SYT14: variants seen among roughly 807,000 people sequenced by gnomAD.
SYT14 encodes the protein synaptotagmin 14.
A neutral mutation model predicts 74.2 loss-of-function variants in SYT14; 32 were observed. That is an observed-to-expected ratio of 0.43 (90% confidence interval 0.33 to 0.58). The LOEUF is 0.58. Ranked by LOEUF, SYT14 falls within the 20% of genes least tolerant of loss-of-function variation. SYT14 has a pLI of 0.05. For missense variants in SYT14, 791 were observed against 981.8 expected (o/e 0.81, Z 2.60); for synonymous variants, 298 against 337.7 (o/e 0.88, Z 1.29).
intron 5 of SYT14, among the ~76,000 whole-genome samples, chr1:210,021,825 C>T (rs938364076): frequency 6.6e-6 from 1 of 152,112 alleles, no homozygotes; most frequent in Non-Finnish European, 1.5e-5. Context: ...TCAAGGATTT[C>T]AGTAATTTGA....
At chr1:210,071,085 A>G (rs1445203932) in intron 5 of SYT14, among the ~76,000 whole-genome samples, 1 of 151,600 alleles carries the variant, frequency 6.6e-6, no homozygotes, top group Non-Finnish European at 1.5e-5. Flanking sequence ...TACTATTTTT[A>G]TGGTTTCTAC....
intron 5 of SYT14, among the ~76,000 whole-genome samples, chr1:210,052,018 A>G (rs1572217510): frequency 6.6e-6 from 1 of 152,152 alleles, no homozygotes; most frequent in Non-Finnish European, 1.5e-5. Context: ...ATGTATAGTC[A>G]AATTTCTTGA....
At chr1:210,159,376 A>G in intron 8 of SYT14, 45 bp from the exon 8 acceptor site, 1 of 1,534,940 alleles carries the variant, frequency 6.5e-7, no homozygotes. Flanking sequence ...AACGATTGAC[A>G]TCTGGTCATT....
At chr1:209,948,634 A>C (rs1049832604) in intron 1 of SYT14, among the ~76,000 whole-genome samples, 1 of 152,238 alleles carries the variant, frequency 6.6e-6, no homozygotes, top group East Asian at 1.9e-4. Flanking sequence ...AACTTTCATA[A>C]AAATGAGGAA....
intron 5 of SYT14, among the ~76,000 whole-genome samples, chr1:210,060,182 A>T (rs2081182727): frequency 6.6e-6 from 1 of 152,136 alleles, no homozygotes; most frequent in South Asian, 2.1e-4. Flanking sequence ...ATGGTTTCTA[A>T]TCTTACCCTT....
chr1:210,106,074 A>G (rs1051716201), intron 7 of SYT14, among the ~76,000 whole-genome samples: 1 of 152,222 alleles, frequency 6.6e-6, no homozygotes, highest in African/African-American at 2.4e-5. Context: ...CAGGGAATTG[A>G]CTAACACAGT....
At chr1:209,977,376 C>T (rs1465336948) in intron 2 of SYT14, among the ~76,000 whole-genome samples, 1 of 152,180 alleles carries the variant, frequency 6.6e-6, no homozygotes, top group Non-Finnish European at 1.5e-5. Flanking sequence ...GTGCTTCCTT[C>T]AGGAGCTCTT....
intron 7 of SYT14, among the ~76,000 whole-genome samples, chr1:210,109,228 T>C (rs1439025788): frequency 6.6e-6 from 1 of 151,724 alleles, no homozygotes; most frequent in African/African-American, 2.4e-5. Context: ...ATTAGAGAAA[T>C]GCAAATCAAA....
At chr1:210,121,604 C>A (rs908778516) in intron 7 of SYT14, among the ~76,000 whole-genome samples, 1 of 152,082 alleles carries the variant, frequency 6.6e-6, no homozygotes, top group South Asian at 2.1e-4. Context: ...ACCATCCTGG[C>A]TAACATGGTG....
At chr1:210,144,071 A>G (rs1245499635) in intron 7 of SYT14, among the ~76,000 whole-genome samples, 2 of 152,164 alleles carry the variant, frequency 1.3e-5, no homozygotes, top group East Asian at 1.9e-4. Context: ...CTTACTCCAA[A>G]GCACAGGCAC....
intron 5 of SYT14, among the ~76,000 whole-genome samples, chr1:210,086,070 T>A (rs1480041676): frequency 6.6e-6 from 1 of 152,178 alleles, no homozygotes; most frequent in African/African-American, 2.4e-5. Context: ...GATAAAAGAT[T>A]ATATAATTTC....
intron 4 of SYT14, among the ~76,000 whole-genome samples, chr1:210,019,131 C>CAAAAAA (rs1215149823): frequency 1.1e-3 from 61 of 56,462 alleles, no homozygotes; most frequent in Admixed American, 3.0e-3. Context: ...TGAGACTCCT[C>CAAAAAA]AAAAAAAAAA....
intron 2 of SYT14, among the ~76,000 whole-genome samples, chr1:209,970,665 T>TTA (rs1452881875): frequency 1.5e-4 from 3 of 19,812 alleles, no homozygotes; most frequent in African/African-American, 1.0e-3. Context: ...AGTATGGCTT[T>TTA]TTTTTTTTTT....
chr1:210,100,819 A>G (rs2082051086), intron 7 of SYT14, among the ~76,000 whole-genome samples: 1 of 152,150 alleles, frequency 6.6e-6, no homozygotes, highest in Non-Finnish European at 1.5e-5. Context: ...AAACTAGGCA[A>G]TACATTAAGA....
chr1:210,087,068 G>A (rs2081749129), intron 5 of SYT14, among the ~76,000 whole-genome samples: 1 of 152,080 alleles, frequency 6.6e-6, no homozygotes, highest in Admixed American at 6.5e-5. Flanking sequence ...GCTGAGCATG[G>A]GCTCTGATAT....
intron 2 of SYT14, among the ~76,000 whole-genome samples, chr1:209,976,061 A>AT (rs2102774032): frequency 6.6e-6 from 1 of 152,130 alleles, no homozygotes; most frequent in African/African-American, 2.4e-5. Flanking sequence ...CCCCTTTATC[A>AT]TTTTTTATTG....
chr1:210,024,667 G>A (rs1046293382), intron 5 of SYT14, among the ~76,000 whole-genome samples: 4 of 152,128 alleles, frequency 2.6e-5, no homozygotes, highest in African/African-American at 9.7e-5. Flanking sequence ...TTTTCAGATC[G>A]TATATGCTTA....
At chr1:209,958,998 T>G (rs536708962) in intron 2 of SYT14, among the ~76,000 whole-genome samples, 1 of 152,086 alleles carries the variant, frequency 6.6e-6, no homozygotes, top group African/African-American at 2.4e-5. Context: ...TAGAAAACAA[T>G]TACAAAGTTC....
intron 2 of SYT14, among the ~76,000 whole-genome samples, chr1:209,973,783 CA>C (rs2102763716): frequency 6.6e-6 from 1 of 152,302 alleles, no homozygotes; most frequent in East Asian, 1.9e-4. Context: ...GAGGAATTGC[CA>C]CACTGACTTC....
Sources: gnomAD v4.1 joint callset for allele counts (sites outside exome capture counted in the v4.1 genomes callset) on GRCh38, gnomAD v4.1.1 for gene constraint, MANE v1.5 for transcripts, NCBI Gene and HGNC (gene_info 2026-07-23, HGNC 2026-07-21) for gene names.